C9orf50: variants seen among roughly 807,000 people sequenced by gnomAD.
C9orf50 encodes the protein chromosome 9 open reading frame 50.
Under a neutral mutation model 42.5 loss-of-function variants are expected in C9orf50, and 33 were observed. The ratio of observed to expected loss-of-function variants is 0.78; its 90% confidence interval spans 0.59 to 1.04. The LOEUF (loss-of-function observed/expected upper bound fraction) is 1.04, where lower values mean the gene tolerates loss of function less well. Ranked by LOEUF, C9orf50 falls within the 50% of genes least tolerant of loss-of-function variation. C9orf50 has a pLI of 0.00. For synonymous variants in C9orf50, 257 were observed against 273.4 expected (o/e 0.94, Z 0.59); for missense variants, 547 against 594.3 (o/e 0.92, Z 0.83).
rs970960384 is a variant in C9orf50, at chr9:129,615,663, G to A, written c.717-16C>T. On this transcript the variant is annotated splice_polypyrimidine_tract_variant and intron_variant, in intron 3 of 6. Coordinates refer to ENST00000372478, the Ensembl canonical transcript of C9orf50. ...GTGGGGCCTGCTGAGAGAGGGGAGA[G>A]GGGCCTGTGCTCGAAGCCCCCCACC... The A allele has an allele frequency of 1.3e-6, 2 of 1,524,796 alleles. No individual in the cohort carries two copies. The highest frequency in any genetic ancestry group is 1.4e-5 in the African/African-American group (1 of 71,948). The allele number at this position is 1,524,796 out of a possible 1,614,324, so 94.5% of individuals were successfully genotyped here.
At chr9:129,615,144 C>G (rs1049175109) in intron 4 of C9orf50, among the ~76,000 whole-genome samples, 1 of 152,216 alleles carries the variant, frequency 6.6e-6, no homozygotes, top group Non-Finnish European at 1.5e-5. Context: ...CCCCTGTAGG[C>G]TGTGGGGACT....
At position 129,620,022 on chromosome 9, in the gene C9orf50, C is replaced by A; in HGVS notation, c.508+45G>T. On this transcript the variant is annotated intron_variant, in intron 1 of 6. Coordinates refer to ENST00000372478, the Ensembl canonical transcript of C9orf50. The surrounding 1 kb of genome is among the most constrained non-coding windows in gnomAD (Gnocchi z 5.8). ...CGGGGACACAAGGGACCACCCCCCA[C>A]CGGAAATGACTCGGGCCCGCCCCCC... The A allele has an allele frequency of 6.9e-7, 1 of 1,458,260 alleles. No individual in the cohort carries two copies. Among genetic ancestry groups the A allele is most frequent in the East Asian group, 2.5e-5 (1 of 40,022 alleles). The allele number at this position is 1,458,260 out of a possible 1,614,324, so 90.3% of individuals were successfully genotyped here. A position where few individuals can be genotyped will look rare whatever the true frequency, so the allele number is the denominator to read the frequency against.
chr9:129,615,781 C>T, intron 3 of C9orf50, 134 bp from the exon 4 acceptor site: 2 of 1,017,048 alleles, frequency 2.0e-6, no homozygotes, highest in South Asian at 4.5e-5. Flanking sequence ...ACGCCAATCA[C>T]AGCAGCCGGC....
In C9orf50 at chr9:129,620,098, C is replaced by G; in HGVS notation, c.477G>C (p.Gln159His). The change falls in exon 1 of 7, where the codon CAG becomes CAC. Residue 159 changes from glutamine to histidine, a missense_variant. By Grantham distance (24) the Gln-to-His change is conservative (BLOSUM62 0). This residue lies in a region of C9orf50 where 108 missense variants were observed against 172.1 expected (regional missense o/e 0.63). Coordinates refer to ENST00000372478, the Ensembl canonical transcript of C9orf50. This position sits in a 1 kb window ranked among gnomAD's most constrained non-coding sequence, Gnocchi z 5.8. ...GCTCCGGCTCCTCGGCGCACTTCTC[C>G]TGGAGCTGGTGCAGGAACTCACGGA... 1 of 1,452,124 alleles carries G rather than the reference C, an allele frequency of 6.9e-7. No individual in the cohort carries two copies. The highest frequency in any genetic ancestry group is 9.1e-7 in the Non-Finnish European group (1 of 1,100,106). 90.0% of individuals were successfully genotyped at this position (1,452,124 alleles called of 1,614,324 possible).
exon 4 of C9orf50, chr9:129,615,555 G>A (rs867388151): frequency 6.2e-7 from 1 of 1,610,426 alleles, no homozygotes; most frequent in Non-Finnish European, 8.5e-7. Context: ...CACCCGGAAA[G>A]GGCAACGCTG....
At chr9:129,618,532 G>A in intron 3 of C9orf50, among the ~76,000 whole-genome samples, 1 of 152,090 alleles carries the variant, frequency 6.6e-6, no homozygotes, top group East Asian at 1.9e-4. Context: ...TGATTATGTA[G>A]ATGGGTATGT....
chr9:129,620,623 G>A lies in C9orf50; in HGVS notation c.-49C>T. The A allele has an allele frequency of 7.7e-7, 1 of 1,291,372 alleles. No individual in the cohort carries two copies. Among genetic ancestry groups the A allele is most frequent in the Non-Finnish European group, 9.8e-7 (1 of 1,019,308 alleles). The allele number at this position is 1,291,372 out of a possible 1,614,324, so 80.0% of individuals were successfully genotyped here. ...CGCACCCTCAGCGCGCGTGGGTGGGGGGCGCCGGCTGAGGTGGGGAGGGCA... is the reference window on the plus strand; with the variant it reads ...CGCACCCTCAGCGCGCGTGGGTGGGAGGCGCCGGCTGAGGTGGGGAGGGCA... On this transcript the variant is annotated 5_prime_UTR_variant, in exon 1 of 7. Transcript: ENST00000372478. The surrounding 1 kb of genome is among the most constrained non-coding windows in gnomAD (Gnocchi z 5.8).
chr9:129,620,541 C>T lies in C9orf50; in HGVS notation c.34G>A (p.Asp12Asn), dbSNP rs752184672. 2 of 1,405,856 alleles carry T rather than the reference C, an allele frequency of 1.4e-6. No individual in the cohort carries two copies. The highest frequency in any genetic ancestry group is 1.5e-5 in the African/African-American group (1 of 67,458). 87.1% of individuals were successfully genotyped at this position (1,405,856 alleles called of 1,614,324 possible). Residue 12 changes from aspartate to asparagine, a missense_variant, in exon 1 of 7, where the codon GAC becomes AAC. By Grantham distance (23) the Asp-to-Asn change is conservative. This residue lies in a region of C9orf50 where 105 missense variants were observed against 98.5 expected (regional missense o/e 1.07). Transcript: ENST00000372478. This position sits in a 1 kb window ranked among gnomAD's most constrained non-coding sequence, Gnocchi z 5.8. The stretch of plus-strand genomic sequence containing the variant: ...CCAGGGAGCCCCTTGGGCGCCAGGT[C>T]CTGGGCCCCTGGGCGAAGTCGACGC...
rs1830200727 is a variant in C9orf50, at chr9:129,613,672, C to T, written c.881-75G>A. Reference sequence around the variant, plus strand: ...GTGCCCCCACCCTCTTTTCCTCCCTCTGGCAGGCAGGGCCGGTCAGAGCCC... The same window carrying T: ...GTGCCCCCACCCTCTTTTCCTCCCTTTGGCAGGCAGGGCCGGTCAGAGCCC... On this transcript the variant is annotated intron_variant, in intron 4 of 6. Transcript: ENST00000372478. The surrounding 1 kb of genome is among the most constrained non-coding windows in gnomAD (Gnocchi z 6.2). 2 of 1,579,214 alleles carry T rather than the reference C, an allele frequency of 1.3e-6. No individual in the cohort carries two copies. Among genetic ancestry groups the T allele is most frequent in the Admixed American group, 3.4e-5 (2 of 58,748 alleles).
At chr9:129,618,904 C>T (rs1013551885) in intron 3 of C9orf50, among the ~76,000 whole-genome samples, 6 of 140,964 alleles carry the variant, frequency 4.3e-5, no homozygotes, top group African/African-American at 1.6e-4. Context: ...TTAGTAGAGA[C>T]GGGGTTTCAC....
At chr9:129,618,793 C>T (rs1830514931) in intron 3 of C9orf50, among the ~76,000 whole-genome samples, 1 of 151,998 alleles carries the variant, frequency 6.6e-6, no homozygotes, top group African/African-American at 2.4e-5. Context: ...CCCGGGTTCA[C>T]ACCATTCTCT....
Position 129,613,471 on chromosome 9 carries a change from G to T in C9orf50, c.1007C>A (p.Thr336Asn). Reference sequence around the variant, plus strand: ...GTCCCAACACGAGGAGCTGGCCAGGGTCTCCTCCTTGGCCCCAGGGTACAG... The same window carrying T: ...GTCCCAACACGAGGAGCTGGCCAGGTTCTCCTCCTTGGCCCCAGGGTACAG... The change falls in exon 5 of 7, where the codon ACC becomes AAC. Residue 336 changes from threonine (T) to asparagine (N), a missense_variant. Around this residue, in one of 3 missense-constraint regions of C9orf50, gnomAD observed 334 missense variants for 323.7 expected, o/e 1.03. Transcript: ENST00000372478. The surrounding 1 kb of genome is among the most constrained non-coding windows in gnomAD (Gnocchi z 6.2). 2.5e-6 allele frequency: 4 copies of T among 1,614,070 alleles called. No individual in the cohort carries two copies. The highest frequency in any genetic ancestry group is 3.4e-6 in the Non-Finnish European group (4 of 1,180,020).
chr9:129,617,829 A>G (rs577093966), intron 3 of C9orf50, among the ~76,000 whole-genome samples: 1 of 152,268 alleles, frequency 6.6e-6, no homozygotes, highest in African/African-American at 2.4e-5. Context: ...AACCACAGGC[A>G]TGCACCACCA....
In C9orf50 at chr9:129,613,002, T is replaced by G; in HGVS notation, c.1188+105A>C. 1.4e-6 allele frequency: 2 copies of G among 1,445,756 alleles called. No individual in the cohort carries two copies. Among genetic ancestry groups the G allele is most frequent in the Non-Finnish European group, 1.9e-6 (2 of 1,063,272 alleles). The allele number at this position is 1,445,756 out of a possible 1,614,324, so 89.6% of individuals were successfully genotyped here. A position where few individuals can be genotyped will look rare whatever the true frequency, so the allele number is the denominator to read the frequency against. On this transcript the variant is annotated intron_variant, in intron 6 of 6. Coordinates refer to ENST00000372478, the Ensembl canonical transcript of C9orf50. The surrounding 1 kb of genome is among the most constrained non-coding windows in gnomAD (Gnocchi z 6.2). ...ACGGTGACTTGGCTCTCAGGGAGGG[T>G]CCACTCCCAGCCCCAGCCACTCCAC...
At chr9:129,615,788 C>A in intron 3 of C9orf50, 141 bp from the exon 4 acceptor site, 2 of 961,184 alleles carry the variant, frequency 2.1e-6, no homozygotes, top group Non-Finnish European at 2.8e-6. Context: ...TCACAGCAGC[C>A]GGCCTTAACG....
chr9:129,618,513 G>GT (rs1334861011), intron 3 of C9orf50, among the ~76,000 whole-genome samples: 1 of 151,996 alleles, frequency 6.6e-6, no homozygotes, highest in Non-Finnish European at 1.5e-5. Flanking sequence ...GGACAGATGC[G>GT]TGGCTGGATG....
intron 3 of C9orf50, among the ~76,000 whole-genome samples, chr9:129,618,574 C>T (rs960591360): frequency 4.6e-5 from 7 of 152,066 alleles, no homozygotes; most frequent in South Asian, 2.1e-4. Context: ...ACTAGATTAG[C>T]GATGGACAGT....
intron 1 of C9orf50, 101 bp from the exon 2 acceptor site, chr9:129,619,931 G>T: frequency 6.7e-7 from 1 of 1,502,022 alleles, no homozygotes; most frequent in Non-Finnish European, 9.2e-7. Flanking sequence ...AGGACGGGTT[G>T]CGAGGGCTCT....
intron 1 of C9orf50, 99 bp from the exon 2 acceptor site, chr9:129,619,929 T>C: frequency 1.3e-6 from 2 of 1,500,384 alleles, no homozygotes; most frequent in Non-Finnish European, 1.8e-6. Flanking sequence ...CAAGGACGGG[T>C]TGCGAGGGCT....
Sources: allele counts gnomAD v4.1 joint callset (sites outside exome capture counted in the v4.1 genomes callset), GRCh38; gene constraint gnomAD v4.1.1; regional missense constraint gnomAD v4.1.1; non-coding constraint Gnocchi (gnomAD v3.1); transcripts MANE v1.5; gene names NCBI Gene and HGNC (gene_info 2026-07-23, HGNC 2026-07-21).